MAPRE3: variants seen among roughly 807,000 people sequenced by gnomAD.
MAPRE3 encodes the protein microtubule-associated protein RP/EB family member 3.
MAPRE3 carries 2 observed loss-of-function variants against 30.5 expected under a neutral mutation model. The ratio of observed to expected loss-of-function variants is 0.07; its 90% CI spans 0.03 to 0.21. The LOEUF (loss-of-function observed/expected upper bound fraction) is 0.21, where lower values mean the gene tolerates loss of function less well. Ranked by LOEUF, MAPRE3 falls within the 10% of genes least tolerant of loss-of-function variation. The pLI, the probability that MAPRE3 is intolerant of heterozygous loss-of-function variation, is 1.00. For missense variants in MAPRE3, 204 were observed against 351.8 expected, an observed-to-expected ratio of 0.58 and a Z score of 3.36; for synonymous variants, 110 against 127.7, an observed-to-expected ratio of 0.86 and a Z score of 0.93.
intron 1 of MAPRE3, among the ~76,000 whole-genome samples, chr2:26,996,277 C>T (rs148109872): frequency 5.7e-4 from 87 of 152,070 alleles, no homozygotes; most frequent in African/African-American, 2.1e-3. Flanking sequence ...CACTCAGCCT[C>T]CCGAATAACT....
chr2:27,016,124 C>T (rs1250059153), intron 1 of MAPRE3, among the ~76,000 whole-genome samples: 2 of 152,180 alleles, frequency 1.3e-5, no homozygotes, highest in East Asian at 1.9e-4. Context: ...CCCAAAGCCA[C>T]GTTGTCGGTC....
At chr2:26,990,911 T>A (rs1666323074) in intron 1 of MAPRE3, among the ~76,000 whole-genome samples, 1 of 152,202 alleles carries the variant, frequency 6.6e-6, no homozygotes, top group South Asian at 2.1e-4. Flanking sequence ...CTGTCACCAG[T>A]GCCCAGCATT....
At chr2:27,025,465 G>T (rs930467678) in intron 4 of MAPRE3, 118 bp from the exon 5 acceptor site, 5 of 1,024,700 alleles carry the variant, frequency 4.9e-6, no homozygotes, top group Non-Finnish European at 5.7e-6. Flanking sequence ...TGGGGGCAGG[G>T]GGGTGAGAGT....
intron 1 of MAPRE3, among the ~76,000 whole-genome samples, chr2:26,991,170 T>A (rs1018228756): frequency 6.6e-6 from 1 of 151,940 alleles, no homozygotes. Context: ...AGGAGAATGG[T>A]GTGAACCGGG....
chr2:26,992,548 T>TA (rs70953840), intron 1 of MAPRE3, among the ~76,000 whole-genome samples: 62,628 of 149,426 alleles, frequency 0.42, 15,915 homozygotes, highest in East Asian at 0.75. Flanking sequence ...TTTTTTTTTT[T>TA]AATCCTGACC....
chr2:26,980,600 G>A (rs1666094565), intron 1 of MAPRE3, among the ~76,000 whole-genome samples: 1 of 152,186 alleles, frequency 6.6e-6, no homozygotes, highest in Non-Finnish European at 1.5e-5. Flanking sequence ...TATTTTGCAA[G>A]TGTAAATATC....
chr2:27,008,400 G>A (rs1278443260), intron 1 of MAPRE3, among the ~76,000 whole-genome samples: 1 of 152,010 alleles, frequency 6.6e-6, no homozygotes, highest in Non-Finnish European at 1.5e-5. Flanking sequence ...ACCAGACTGG[G>A]CAACATAGTG....
At chr2:26,974,811 T>C (rs1312661751) in intron 1 of MAPRE3, among the ~76,000 whole-genome samples, 1 of 152,070 alleles carries the variant, frequency 6.6e-6, no homozygotes, top group Non-Finnish European at 1.5e-5. Flanking sequence ...TGAAAGGGAG[T>C]ATGTAGAGTG....
intron 1 of MAPRE3, among the ~76,000 whole-genome samples, chr2:27,016,459 A>T (rs1666988492): frequency 7.0e-6 from 1 of 142,346 alleles, no homozygotes; most frequent in Non-Finnish European, 1.5e-5. Flanking sequence ...ATCTTGGCTC[A>T]CTGCAAGCTC....
intron 1 of MAPRE3, among the ~76,000 whole-genome samples, chr2:26,989,384 C>T (rs904986347): frequency 6.6e-6 from 1 of 152,068 alleles, no homozygotes; most frequent in South Asian, 2.1e-4. Flanking sequence ...GAAAGTGATC[C>T]GGAGTCCGTG....
In MAPRE3 at chr2:27,005,318, A is replaced by G. The variant is rs117879765; in HGVS notation, c.-7-16894A>G. Among the ~76,000 whole-genome samples the G allele has an allele frequency of 1.1e-4, 17 of 152,354 alleles. No homozygotes were observed. In the East Asian group the frequency reaches 3.3e-3, roughly 29 times the overall value. ...GAAGATGATGCTTCCTAATATCCTT[A>G]ATTATTCTTTGAAGTGTCCACAGCA... On this transcript the variant is annotated intron_variant, in intron 1 of 6. Coordinates refer to ENST00000233121, the MANE Select transcript of MAPRE3 (RefSeq NM_012326.4).
chr2:27,012,870 G>A (rs1214318220), intron 1 of MAPRE3: 2 of 152,728 alleles, frequency 1.3e-5, no homozygotes, highest in African/African-American at 2.4e-5. Context: ...TGGATGTGGG[G>A]TGAAAGGTAT....
intron 1 of MAPRE3, chr2:27,014,746 A>G (rs1465881): frequency 0.58 from 87,546 of 151,970 alleles, 25,667 homozygotes; most frequent in East Asian, 0.76. Context: ...CCTCAGCCCC[A>G]CCTGCACATA....
intron 1 of MAPRE3, among the ~76,000 whole-genome samples, chr2:26,989,411 AC>A (rs1158054205): frequency 6.6e-6 from 1 of 152,296 alleles, no homozygotes; most frequent in East Asian, 1.9e-4. Flanking sequence ...AAGGGAAAGG[AC>A]AATAACAGCA....
At chr2:26,998,830 A>C (rs535565361) in intron 1 of MAPRE3, among the ~76,000 whole-genome samples, 1 of 152,340 alleles carries the variant, frequency 6.6e-6, no homozygotes, top group African/African-American at 2.4e-5. Flanking sequence ...TTTTGCACAC[A>C]GTTTTGCAAA....
chr2:26,983,946 G>A (rs775318385), intron 1 of MAPRE3, among the ~76,000 whole-genome samples: 2 of 152,100 alleles, frequency 1.3e-5, no homozygotes, highest in Non-Finnish European at 2.9e-5. Flanking sequence ...CCCTCACCCC[G>A]TCCCTTCCCC....
At chr2:26,997,105 A>G (rs1256637008) in intron 1 of MAPRE3, among the ~76,000 whole-genome samples, 2 of 152,210 alleles carry the variant, frequency 1.3e-5, no homozygotes, top group African/African-American at 4.8e-5. Flanking sequence ...TTTGAAAAAA[A>G]AATTAAATGG....
chr2:26,973,678 C>T (rs1231086631), intron 1 of MAPRE3, among the ~76,000 whole-genome samples: 1 of 151,978 alleles, frequency 6.6e-6, no homozygotes, highest in Admixed American at 6.6e-5. Context: ...GCCTCAGCCT[C>T]CCGAGTAGCT....
In MAPRE3 at chr2:26,979,968, A is replaced by C. The variant is rs201902813; in HGVS notation, c.-8+9166A>C. ...GGTCAGGTTGTGGATGGAGCTGTAG[A>C]GTGGGAGTCAGCAGCACAGAGGAGG... On this transcript the variant is annotated intron_variant, in intron 1 of 6. Coordinates refer to ENST00000233121, the MANE Select transcript of MAPRE3 (RefSeq NM_012326.4). 9.2e-5 allele frequency among the ~76,000 whole-genome samples: 14 copies of C among 152,298 alleles called. No individual in the cohort carries two copies. In the East Asian group the frequency reaches 2.7e-3, roughly 29 times the overall value.
Sources: gnomAD v4.1 joint callset for allele counts (sites outside exome capture counted in the v4.1 genomes callset) on GRCh38, gnomAD v4.1.1 for gene constraint, MANE v1.5 for transcripts, NCBI Gene and HGNC (gene_info 2026-07-23, HGNC 2026-07-21) for gene names.